The following ZFHX3 variants were observed in gnomAD, a reference collection of about 807,000 sequenced individuals.
ZFHX3 encodes the protein zinc finger homeobox 3.
A neutral mutation model predicts 279.1 loss-of-function variants in ZFHX3; 42 were observed. The observed-to-expected ratio is 0.15, with a 90% CI of 0.12 to 0.19. ZFHX3 has a LOEUF of 0.19. Ranked by LOEUF, ZFHX3 falls within the 10% of genes least tolerant of loss-of-function variation. The pLI, the probability that ZFHX3 is intolerant of heterozygous loss-of-function variation, is 1.00. For missense variants in ZFHX3, 4,981 were observed against 4,754.0 expected, an observed-to-expected ratio of 1.05 and a Z score of -1.40; for synonymous variants, 2,293 against 1,957.8, an observed-to-expected ratio of 1.17 and a Z score of -4.52.
chr16:73,666,144 C>A (rs1181672376), intron 2 of ZFHX3, among the ~76,000 whole-genome samples: 1 of 151,796 alleles, frequency 6.6e-6, no homozygotes, highest in African/African-American at 2.4e-5. Flanking sequence ...TTTAAGCGAC[C>A]TGAGTGGCAG....
At chr16:73,722,551 C>T (rs1264285349) in intron 1 of ZFHX3, among the ~76,000 whole-genome samples, 1 of 152,182 alleles carries the variant, frequency 6.6e-6, no homozygotes, top group African/African-American at 2.4e-5. Context: ...AGGCAGCGTA[C>T]TCTATGAAAT....
intron 4 of ZFHX3, among the ~76,000 whole-genome samples, chr16:73,292,894 AT>A (rs2014810071): frequency 6.6e-6 from 1 of 152,230 alleles, no homozygotes; most frequent in African/African-American, 2.4e-5. Flanking sequence ...GGTATGTTCC[AT>A]AGGGGACCTA....
At chr16:73,813,161 C>A (rs1251535804) in intron 1 of ZFHX3, among the ~76,000 whole-genome samples, 1 of 152,146 alleles carries the variant, frequency 6.6e-6, no homozygotes, top group African/African-American at 2.4e-5. Flanking sequence ...GCTAACTGAT[C>A]CCTCGCTGTC....
intron 2 of ZFHX3, among the ~76,000 whole-genome samples, chr16:73,667,988 G>C (rs926764099): frequency 6.6e-6 from 1 of 152,128 alleles, no homozygotes; most frequent in Non-Finnish European, 1.5e-5. Context: ...CTCATTTAAA[G>C]CTTCATTACA....
chr16:73,164,888 G>A (rs972386376), intron 5 of ZFHX3, among the ~76,000 whole-genome samples: 1 of 152,124 alleles, frequency 6.6e-6, no homozygotes, highest in African/African-American at 2.4e-5. Context: ...GTTGCAAGGA[G>A]TTCACCCACT....
intron 1 of ZFHX3, among the ~76,000 whole-genome samples, chr16:73,704,216 T>C (rs769557398): frequency 6.6e-6 from 1 of 152,082 alleles, no homozygotes; most frequent in Non-Finnish European, 1.5e-5. Context: ...ATCCCAGTAT[T>C]AAATAAATAC....
At chr16:73,631,016 A>G (rs556847845) in intron 2 of ZFHX3, among the ~76,000 whole-genome samples, 10 of 95,410 alleles carry the variant, frequency 1.0e-4, no homozygotes, top group African/African-American at 4.0e-4. Context: ...GCATTGTGGC[A>G]TCAGTGCTTT....
At chr16:73,130,787 T>C (rs1009559757) in intron 7 of ZFHX3, among the ~76,000 whole-genome samples, 3 of 152,206 alleles carry the variant, frequency 2.0e-5, no homozygotes, top group African/African-American at 7.2e-5. Context: ...TTTGTATTTT[T>C]AGTAGAGACA....
At chr16:73,138,671 C>T (rs1367932327) in intron 6 of ZFHX3, among the ~76,000 whole-genome samples, 1 of 151,960 alleles carries the variant, frequency 6.6e-6, no homozygotes, top group Non-Finnish European at 1.5e-5. Flanking sequence ...AGTTATTGCC[C>T]CCTACTTCTT....
chr16:73,128,421 A>G (rs1286680587), intron 7 of ZFHX3, among the ~76,000 whole-genome samples: 6 of 152,262 alleles, frequency 3.9e-5, no homozygotes, highest in Non-Finnish European at 8.8e-5. Context: ...TTTTACAATC[A>G]TGAAACCTAG....
Position 73,125,352 on chromosome 16 carries a change from AT to A in ZFHX3, c.-897+5615del, listed in dbSNP as rs566301004. ...GTACCATTCTGGATGTCGTACATACATTAATTTATTTAATCTTCATAGCCAC... is the reference window on the plus strand; with the variant it reads ...GTACCATTCTGGATGTCGTACATACATAATTTATTTAATCTTCATAGCCAC... On this transcript the variant is annotated intron_variant, in intron 7 of 17. Coordinates refer to the ZFHX3 transcript ENST00000641206. 1.0e-3 allele frequency: 156 copies of A among 152,230 alleles called. 1 individual carries two copies. The highest frequency in any genetic ancestry group is 3.6e-3 in the African/African-American group (148 of 41,530). The allele number at this position is 152,230 out of a possible 1,614,324, so 9.4% of individuals were successfully genotyped here. A position where few individuals can be genotyped will look rare whatever the true frequency, so the allele number is the denominator to read the frequency against.
Position 73,106,895 on chromosome 16 carries a change from A to C in ZFHX3, c.-896-13297T>G, listed in dbSNP as rs190742747. 3.1e-3 allele frequency among the ~76,000 whole-genome samples: 479 copies of C among 152,328 alleles called. 6 individuals are homozygous for C. The highest frequency in any genetic ancestry group is 4.4e-3 in the Admixed American group (68 of 15,298). On this transcript the variant is annotated intron_variant, in intron 7 of 17. Transcript: ENST00000641206. ...CATGAGTAATGACAAATGGGTCCGGACACTGCTATCGTCTCAGACATTATT... is the reference window on the plus strand; with the variant it reads ...CATGAGTAATGACAAATGGGTCCGGCCACTGCTATCGTCTCAGACATTATT...
intron 5 of ZFHX3, among the ~76,000 whole-genome samples, chr16:72,820,939 C>T (rs1412775563): frequency 3.9e-5 from 6 of 152,104 alleles, no homozygotes; most frequent in Non-Finnish European, 7.4e-5. Context: ...CCGAGTCAAA[C>T]AATAATTAGG....
Position 73,656,439 on chromosome 16 carries a change from C to T in ZFHX3, c.-1547+23741G>A, listed in dbSNP as rs902947715. 3.0e-4 allele frequency among the ~76,000 whole-genome samples: 45 copies of T among 152,266 alleles called. 1 individual carries two copies. Among genetic ancestry groups the T allele is most frequent in the African/African-American group, 1.1e-3 (44 of 41,556 alleles). Reference sequence around the variant, plus strand: ...TATGTTGTAGAATTTTAAAGCAACACAAGGAAATGATCATCTCAAAAGGAT... The same window carrying T: ...TATGTTGTAGAATTTTAAAGCAACATAAGGAAATGATCATCTCAAAAGGAT... On this transcript the variant is annotated intron_variant, in intron 2 of 17. Coordinates refer to the ZFHX3 transcript ENST00000641206.
At chr16:73,716,649 ACG>A (rs1567560107) in intron 1 of ZFHX3, among the ~76,000 whole-genome samples, 16,139 of 52,154 alleles carry the variant, frequency 0.31, 1,010 homozygotes, top group Non-Finnish European at 0.4. Context: ...ACACACACAC[ACG>A]CATGCACGCA....
intron 4 of ZFHX3, among the ~76,000 whole-genome samples, chr16:73,282,607 C>A (rs2014485473): frequency 6.6e-6 from 1 of 152,110 alleles, no homozygotes; most frequent in African/African-American, 2.4e-5. Context: ...TAAATTAAGC[C>A]TTTTCTTTAT....
At chr16:73,031,605 C>T (rs1158591502) in intron 1 of ZFHX3, among the ~76,000 whole-genome samples, 1 of 152,190 alleles carries the variant, frequency 6.6e-6, no homozygotes, top group Non-Finnish European at 1.5e-5. Flanking sequence ...CAGACAAAAA[C>T]AATAACTCAC....
At chr16:73,398,443 G>A (rs1366431253) in intron 3 of ZFHX3, among the ~76,000 whole-genome samples, 2 of 152,228 alleles carry the variant, frequency 1.3e-5, no homozygotes, top group African/African-American at 4.8e-5. Context: ...CTGGCACCAT[G>A]AGAATTTCTG....
intron 2 of ZFHX3, among the ~76,000 whole-genome samples, chr16:73,574,700 T>A (rs904227342): frequency 9.2e-5 from 14 of 152,140 alleles, no homozygotes; most frequent in African/African-American, 3.4e-4. Context: ...TCACCTCTGT[T>A]TTCTGCATCT....
Sources: gnomAD v4.1 joint callset for allele counts (sites outside exome capture counted in the v4.1 genomes callset) on GRCh38, gnomAD v4.1.1 for gene constraint, MANE v1.5 for transcripts, NCBI Gene and HGNC (gene_info 2026-07-23, HGNC 2026-07-21) for gene names.